Variants in RSRC2 observed in about 807,000 individuals in gnomAD.
The protein encoded by RSRC2 is arginine and serine rich coiled-coil 2, also known as arginine/serine-rich coiled-coil protein 2.
A neutral mutation model predicts 61.3 loss-of-function variants in RSRC2; 5 were observed. The observed-to-expected ratio is 0.08, with a 90% CI of 0.04 to 0.17. The LOEUF (loss-of-function observed/expected upper bound fraction) is 0.17, where lower values mean the gene tolerates loss of function less well. RSRC2 is among the 10% of genes least tolerant of loss of function. The pLI is 1.00. For synonymous variants in RSRC2, 202 were observed against 166.5 expected (o/e 1.21, Z -1.64); for missense variants, 381 against 518.8 (o/e 0.73, Z 2.58).
chr12:122,519,538 T>A (rs1159908040), intron 3 of RSRC2: 1 of 155,506 alleles, frequency 6.4e-6, no homozygotes, highest in Non-Finnish European at 1.4e-5. Flanking sequence ...CCTTTTACAG[T>A]TATACTGCCT....
chr12:122,525,808 T>TCAGTGACAAGACTTAACTGTAACGC (rs1960165706), intron 1 of RSRC2, among the ~76,000 whole-genome samples: 1 of 15,786 alleles, frequency 6.3e-5, no homozygotes, highest in Non-Finnish European at 1.1e-4. Context: ...AGAGTTTTTT[T>TCAGTGACAAGACTTAACTGTAACGC]TTTTTTTTTT....
At chr12:122,517,769 ACACACAACC>A (rs1464180789) in intron 4 of RSRC2, among the ~76,000 whole-genome samples, 1 of 152,090 alleles carries the variant, frequency 6.6e-6, no homozygotes, top group African/African-American at 2.4e-5. Flanking sequence ...GTCTGATACC[ACACACAACC>A]CACAGAATTC....
At chr12:122,511,668 G>A (rs1326947580) in intron 6 of RSRC2, among the ~76,000 whole-genome samples, 1 of 152,106 alleles carries the variant, frequency 6.6e-6, no homozygotes, top group African/African-American at 2.4e-5. Context: ...AAACTAAAAG[G>A]TCAAGCAAAC....
Position 122,526,934 on chromosome 12 carries a change from A to T in RSRC2, c.-81T>A. ...CGGCCGCTCCGAAGCTTCGCCTCAG[A>T]CTAAATCGCTCGCGCGAGAGACCCG... On this transcript the variant is annotated 5_prime_UTR_variant, in exon 1 of 10. Transcript: ENST00000331738. 2 of 1,543,354 alleles carry T rather than the reference A, an allele frequency of 1.3e-6. No homozygotes were observed. The highest frequency in any genetic ancestry group is 1.8e-6 in the Non-Finnish European group (2 of 1,117,042).
intron 4 of RSRC2, 149 bp from the exon 5 acceptor site, chr12:122,517,579 GA>G: frequency 4.2e-6 from 4 of 962,616 alleles, no homozygotes; most frequent in South Asian, 3.4e-5. Context: ...ATTTTCAAAG[GA>G]AATACTAACT....
intron 9 of RSRC2, among the ~76,000 whole-genome samples, chr12:122,506,147 A>G (rs1958102614): frequency 6.6e-6 from 1 of 150,902 alleles, no homozygotes; most frequent in Admixed American, 6.6e-5. Flanking sequence ...GCACTTTGGG[A>G]GGCTGAGACG....
chr12:122,516,794 G>C (rs577231364), intron 5 of RSRC2, among the ~76,000 whole-genome samples: 7 of 152,276 alleles, frequency 4.6e-5, no homozygotes, highest in African/African-American at 1.4e-4. Flanking sequence ...CTGGGCTCAA[G>C]TGATTATCCC....
At chr12:122,520,411 T>A (rs963376241) in intron 3 of RSRC2, 2 of 732,944 alleles carry the variant, frequency 2.7e-6, no homozygotes, top group African/African-American at 3.7e-5. Flanking sequence ...TTTTCAAACA[T>A]AACATTACTA....
chr12:122,507,120 A>G (rs1412307804), intron 8 of RSRC2, 197 bp from the exon 9 acceptor site: 2 of 590,588 alleles, frequency 3.4e-6, no homozygotes, highest in East Asian at 3.2e-5. Context: ...CTTCACTCCT[A>G]TAATCCCAGC....
intron 5 of RSRC2, among the ~76,000 whole-genome samples, chr12:122,515,447 C>G (rs915771747): frequency 1.3e-5 from 2 of 152,132 alleles, no homozygotes; most frequent in African/African-American, 4.8e-5. Context: ...CACCATGTTG[C>G]CCAGGCTGGC....
chr12:122,526,735 G>T, intron 1 of RSRC2, 113 bp downstream of exon 1: 2 of 1,235,384 alleles, frequency 1.6e-6, no homozygotes, highest in South Asian at 1.2e-5. Flanking sequence ...AGAAGGCCGC[G>T]GCGCCATTTT....
At position 122,522,147 on chromosome 12, in the gene RSRC2, C is replaced by T; in HGVS notation, c.159G>A (p.Lys53=). ...ACCACCTTTAAGAATTCATACCTGA[C>T]TTTCGTTTTCTTTCTCTTGACCTTG... ...SRSRSRERKR[K]SDNEGRKHRS... The change falls in exon 2 of 10, where the codon AAG becomes AAA. Residue 53 remains lysine (K), a synonymous_variant. Coordinates refer to ENST00000331738, the MANE Select transcript of RSRC2 (RefSeq NM_023012.6). 6.2e-7 allele frequency: 1 copy of T among 1,610,114 alleles called. No homozygotes were observed. The highest frequency in any genetic ancestry group is 2.2e-5 in the East Asian group (1 of 44,838).
chr12:122,526,872 C>G lies in RSRC2; in HGVS notation c.-19G>C. The G allele has an allele frequency of 6.2e-7, 1 of 1,614,230 alleles. No individual in the cohort carries two copies. Among genetic ancestry groups the G allele is most frequent in the African/African-American group, 1.3e-5 (1 of 75,076 alleles). On this transcript the variant is annotated 5_prime_UTR_variant, in exon 1 of 10. Coordinates refer to ENST00000331738, the MANE Select transcript of RSRC2 (RefSeq NM_023012.6). ...CCGCCATAGTTCAGAGTCCCGGCCG[C>G]TAGAGCGGCGCCTCCACTTGTCGCT... is the stretch of plus-strand genomic sequence containing the variant.
intron 5 of RSRC2, 48 bp from the exon 6 acceptor site, chr12:122,515,275 T>C: frequency 6.4e-7 from 1 of 1,568,946 alleles, no homozygotes; most frequent in South Asian, 1.2e-5. Flanking sequence ...AAGTCATAAC[T>C]ATTTTGTTAA....
In RSRC2 at chr12:122,511,326, TA is replaced by T. The variant is rs1958492656; in HGVS notation, c.726-139del. ...TTTAGCATCCCTCCACCGATAGCCG[TA>T]TGTGAAGAAAAAGCAATCATTCTTA... On this transcript the variant is annotated intron_variant, in intron 6 of 9. Transcript: ENST00000331738. 5.4e-6 allele frequency: 3 copies of T among 552,086 alleles called. No homozygotes were observed. The South Asian group carries it at 8.0e-5, about 15-fold the overall frequency. 34.2% of individuals were successfully genotyped at this position (552,086 alleles called of 1,614,324 possible).
chr12:122,516,133 T>C (rs868529848), intron 5 of RSRC2, among the ~76,000 whole-genome samples: 1 of 152,126 alleles, frequency 6.6e-6, no homozygotes, highest in Non-Finnish European at 1.5e-5. Flanking sequence ...AAGTGATAAA[T>C]CATAAAAACC....
Position 122,508,383 on chromosome 12 carries a change from T to G in RSRC2, c.870A>C (p.Thr290=). The change falls in exon 8 of 10, where the codon ACA becomes ACC. Residue 290 remains threonine (T), a synonymous_variant. Transcript: ENST00000331738. ...AALLASGTQV[T]PQIAMAAQMA... ...TCTGAGCTGCCATGGCTATCTGAGG[T>G]GTTACTTGTGTTCCTGATGCCAACA... is the stretch of plus-strand genomic sequence containing the variant. 6.2e-7 allele frequency: 1 copy of G among 1,614,204 alleles called. No homozygotes were observed. Among genetic ancestry groups the G allele is most frequent in the Middle Eastern group, 1.6e-4 (1 of 6,062 alleles).
intron 6 of RSRC2, chr12:122,513,643 T>C (rs889283586): frequency 4.5e-6 from 1 of 224,146 alleles, no homozygotes; most frequent in African/African-American, 2.3e-5. Flanking sequence ...TTATAGTAAA[T>C]TATTTCCATA....
Position 122,505,442 on chromosome 12 carries a change from C to T in RSRC2, c.*85G>A. 7.7e-7 allele frequency: 1 copy of T among 1,293,746 alleles called. No individual in the cohort carries two copies. The highest frequency in any genetic ancestry group is 1.1e-6 in the Non-Finnish European group (1 of 923,682). 80.1% of individuals were successfully genotyped at this position (1,293,746 alleles called of 1,614,324 possible). On this transcript the variant is annotated 3_prime_UTR_variant, in exon 10 of 10. Transcript: ENST00000331738. ...AAAGTCAATGCAACACCCATGCAAG[C>T]TAGAGTGCTAGCTGTTTGGTGAACA... is the stretch of plus-strand genomic sequence containing the variant.
Sources: gnomAD v4.1 joint callset for allele counts (sites outside exome capture counted in the v4.1 genomes callset) on GRCh38, gnomAD v4.1.1 for gene constraint, MANE v1.5 for transcripts, NCBI Gene and HGNC (gene_info 2026-07-23, HGNC 2026-07-21) for gene names.